The following NRXN3 variants were observed in gnomAD, a reference collection of about 807,000 sequenced individuals.
The protein encoded by NRXN3 is neurexin III.
In NRXN3, 32 loss-of-function variants were observed where a neutral mutation model predicts 137.6. That is an observed-to-expected ratio of 0.23 (90% CI 0.18 to 0.31). NRXN3 has a LOEUF of 0.31. Ranked by LOEUF, NRXN3 falls within the 10% of genes least tolerant of loss-of-function variation. The pLI, the probability that NRXN3 is intolerant of heterozygous loss-of-function variation, is 1.00. For synonymous variants in NRXN3, 798 were observed against 784.5 expected, an observed-to-expected ratio of 1.02 and a Z score of -0.29; for missense variants, 1,574 against 2,062.5, an observed-to-expected ratio of 0.76 and a Z score of 4.59.
At chr14:79,006,542 G>T (rs2099553360) in intron 15 of NRXN3, among the ~76,000 whole-genome samples, 1 of 151,860 alleles carries the variant, frequency 6.6e-6, no homozygotes, top group African/African-American at 2.4e-5. Flanking sequence ...AACTTTATAA[G>T]ATTTGATTAT....
intron 16 of NRXN3, among the ~76,000 whole-genome samples, chr14:79,506,229 T>G (rs1016005529): frequency 6.6e-6 from 1 of 152,142 alleles, no homozygotes; most frequent in Non-Finnish European, 1.5e-5. Context: ...AAAGAATGAC[T>G]ACCAAGAAGC....
At chr14:78,986,097 G>A (rs1598248019) in intron 14 of NRXN3, among the ~76,000 whole-genome samples, 2 of 152,054 alleles carry the variant, frequency 1.3e-5, no homozygotes, top group Admixed American at 6.6e-5. Context: ...CTTTGTAGTC[G>A]TGCATCTCTT....
intron 4 of NRXN3, among the ~76,000 whole-genome samples, chr14:78,399,128 G>A (rs924777038): frequency 4.3e-4 from 65 of 152,186 alleles, no homozygotes; most frequent in Admixed American, 1.2e-3. Flanking sequence ...TGAGATATGC[G>A]ATACAAAACA....
At chr14:79,169,832 A>G (rs551095528) in intron 15 of NRXN3, among the ~76,000 whole-genome samples, 1 of 152,258 alleles carries the variant, frequency 6.6e-6, no homozygotes, top group South Asian at 2.1e-4. Context: ...ATTAGGGAAG[A>G]CACACCAGTG....
chr14:78,337,287 C>T (rs2081590085), intron 4 of NRXN3, among the ~76,000 whole-genome samples: 1 of 152,098 alleles, frequency 6.6e-6, no homozygotes, highest in Admixed American at 6.6e-5. Context: ...CTGCCTTTAA[C>T]CTTGAGCTCA....
chr14:79,178,107 T>C (rs2062539062), intron 15 of NRXN3, among the ~76,000 whole-genome samples: 1 of 152,218 alleles, frequency 6.6e-6, no homozygotes, highest in Non-Finnish European at 1.5e-5. Flanking sequence ...CTGGGTGGGC[T>C]GGAGCTAGCC....
In NRXN3 at chr14:78,859,468, G is replaced by A. The variant is rs116426809; in HGVS notation, c.2275+49124G>A. 7.3e-3 allele frequency among the ~76,000 whole-genome samples: 1,104 copies of A among 152,262 alleles called. 18 individuals are homozygous for A. Among genetic ancestry groups the A allele is most frequent in the African/African-American group, 0.025 (1,046 of 41,558 alleles). ...CCAGTCTGATGATGTTGTGGAGCTC[G>A]CAGTTGACCTGTATCTTCTTGATAT... On this transcript the variant is annotated intron_variant, in intron 10 of 20. Transcript: ENST00000335750.
intron 17 of NRXN3, among the ~76,000 whole-genome samples, chr14:79,667,316 C>T (rs1379595377): frequency 2.0e-5 from 3 of 151,898 alleles, no homozygotes; most frequent in African/African-American, 7.3e-5. Context: ...AATGTTTAAA[C>T]AGTAAAGACA....
intron 10 of NRXN3, among the ~76,000 whole-genome samples, chr14:78,925,927 AATTAT>A (rs2099288303): frequency 6.6e-6 from 1 of 152,200 alleles, no homozygotes; most frequent in Non-Finnish European, 1.5e-5. Flanking sequence ...TTAATGGGAT[AATTAT>A]ATTATGTAAA....
At chr14:78,647,481 G>A (rs763788687) in intron 5 of NRXN3, among the ~76,000 whole-genome samples, 2 of 152,214 alleles carry the variant, frequency 1.3e-5, no homozygotes, top group East Asian at 1.9e-4. Context: ...AGGTATAGAC[G>A]TGCTGTGACG....
chr14:79,311,369 C>T (rs2153230896), intron 15 of NRXN3, among the ~76,000 whole-genome samples: 1 of 13,902 alleles, frequency 7.2e-5, no homozygotes, highest in African/African-American at 2.7e-4. Flanking sequence ...CATCAATGTT[C>T]ATCAAGGATA....
chr14:78,643,308 A>AGCCTT (rs2097653755), intron 4 of NRXN3, among the ~76,000 whole-genome samples: 1 of 152,096 alleles, frequency 6.6e-6, no homozygotes, highest in South Asian at 2.1e-4. Flanking sequence ...GGGAAAATAT[A>AGCCTT]ATTCTCTCAA....
intron 6 of NRXN3, 70 bp downstream of exon 6, chr14:78,651,396 A>G: frequency 6.7e-7 from 1 of 1,493,204 alleles, no homozygotes; most frequent in Non-Finnish European, 9.2e-7. Flanking sequence ...ACATGTCTAA[A>G]TCAATGACTG....
chr14:79,554,658 G>A (rs1245977517), intron 16 of NRXN3, among the ~76,000 whole-genome samples: 1 of 152,114 alleles, frequency 6.6e-6, no homozygotes, highest in Non-Finnish European at 1.5e-5. Context: ...CAGAAGCAGC[G>A]TCTCTTCTGT....
chr14:78,909,283 A>G (rs1317638474), intron 10 of NRXN3, among the ~76,000 whole-genome samples: 1 of 152,190 alleles, frequency 6.6e-6, no homozygotes, highest in African/African-American at 2.4e-5. Flanking sequence ...TACCAAGAGC[A>G]GGAAGTGGTC....
chr14:79,858,548 T>C (rs2099407608), intron 20 of NRXN3, among the ~76,000 whole-genome samples: 1 of 152,124 alleles, frequency 6.6e-6, no homozygotes, highest in East Asian at 1.9e-4. Context: ...TTACTCTACA[T>C]GGGGTAGATT....
chr14:79,224,717 G>T (rs2070492367), intron 15 of NRXN3, among the ~76,000 whole-genome samples: 1 of 152,168 alleles, frequency 6.6e-6, no homozygotes, highest in Non-Finnish European at 1.5e-5. Flanking sequence ...AATAAAAAGG[G>T]AAGAGACACA....
intron 4 of NRXN3, among the ~76,000 whole-genome samples, chr14:78,486,158 G>A (rs2095556292): frequency 1.3e-5 from 2 of 152,184 alleles, no homozygotes; most frequent in Non-Finnish European, 2.9e-5. Context: ...TTTTGTGAGT[G>A]TTTAAATACT....
intron 8 of NRXN3, among the ~76,000 whole-genome samples, chr14:78,729,547 G>C (rs1411628210): frequency 6.6e-6 from 1 of 152,192 alleles, no homozygotes; most frequent in African/African-American, 2.4e-5. Context: ...TTTGTTCCTA[G>C]GTGGTGGAGA....
Sources: allele counts gnomAD v4.1 joint callset (sites outside exome capture counted in the v4.1 genomes callset), GRCh38; gene constraint gnomAD v4.1.1; transcripts MANE v1.5; gene names NCBI Gene and HGNC (gene_info 2026-07-23, HGNC 2026-07-21).